PAX5: variants seen among roughly 807,000 people sequenced by gnomAD.
PAX5 encodes the protein paired box protein Pax-5.
PAX5 carries 9 observed loss-of-function variants against 43.7 expected under a neutral mutation model. The observed-to-expected ratio is 0.21, with a 90% CI of 0.12 to 0.36. PAX5 has a LOEUF of 0.36. Ranked by LOEUF, PAX5 falls within the 10% of genes least tolerant of loss-of-function variation. The pLI, the probability that PAX5 is intolerant of heterozygous loss-of-function variation, is 1.00. For synonymous variants in PAX5, 228 were observed against 214.3 expected (o/e 1.06, Z -0.56); for missense variants, 383 against 532.7 (o/e 0.72, Z 2.77).
At chr9:36,934,026 G>C (rs1052977513) in intron 6 of PAX5, among the ~76,000 whole-genome samples, 2 of 152,210 alleles carry the variant, frequency 1.3e-5, no homozygotes, top group African/African-American at 2.4e-5. Flanking sequence ...CCCTCTGTGG[G>C]CTGGTGAAGA....
intron 5 of PAX5, among the ~76,000 whole-genome samples, chr9:36,981,617 T>C (rs1835953949): frequency 6.6e-6 from 1 of 152,126 alleles, no homozygotes; most frequent in Non-Finnish European, 1.5e-5. Context: ...CAGTGGGGTC[T>C]CCCAGGCCTT....
intron 7 of PAX5, among the ~76,000 whole-genome samples, chr9:36,918,254 C>A (rs983252088): frequency 2.6e-5 from 4 of 152,160 alleles, no homozygotes; most frequent in Admixed American, 6.5e-5. Context: ...ACCAAACAGC[C>A]AAATTGTGAA....
At chr9:36,871,579 T>C (rs1416421852) in intron 8 of PAX5, among the ~76,000 whole-genome samples, 1 of 152,222 alleles carries the variant, frequency 6.6e-6, no homozygotes, top group Admixed American at 6.5e-5. Flanking sequence ...TAAAAAGCCA[T>C]CACAGCCCAG....
At chr9:36,986,082 C>G (rs914691160) in intron 5 of PAX5, among the ~76,000 whole-genome samples, 1 of 152,038 alleles carries the variant, frequency 6.6e-6, no homozygotes, top group African/African-American at 2.4e-5. Flanking sequence ...CCCGGCACCC[C>G]CGTCCGGCGC....
intron 3 of PAX5, chr9:37,007,606 G>T (rs962931169): frequency 6.6e-6 from 1 of 152,098 alleles, no homozygotes; most frequent in Non-Finnish European, 1.5e-5. Context: ...GAGAAGAGTG[G>T]GTCATAATAA....
At position 36,856,312 on chromosome 9, in the gene PAX5, A is replaced by G. The variant is rs189762901; in HGVS notation, c.1013-9383T>C. Among the ~76,000 whole-genome samples, 8 of 152,332 alleles carry G rather than the reference A, an allele frequency of 5.3e-5. No individual in the cohort carries two copies. The East Asian group carries it at 1.2e-3, about 22-fold the overall frequency. ...AACATGGAGACAGCAAGGCAGAGAAAGGGAATAAAACACACAAAGAGAAGT... is the reference window on the plus strand; with the variant it reads ...AACATGGAGACAGCAAGGCAGAGAAGGGGAATAAAACACACAAAGAGAAGT... On this transcript the variant is annotated intron_variant, in intron 8 of 9. Transcript: ENST00000358127.
chr9:36,850,720 C>G (rs533593796), intron 8 of PAX5, among the ~76,000 whole-genome samples: 33 of 152,314 alleles, frequency 2.2e-4, no homozygotes, highest in African/African-American at 7.5e-4. Context: ...CCTCAGTGGG[C>G]AGTGAGACCC....
chr9:36,938,753 G>C (rs1050380399), intron 6 of PAX5, among the ~76,000 whole-genome samples: 2 of 152,200 alleles, frequency 1.3e-5, no homozygotes, highest in African/African-American at 4.8e-5. Context: ...AGCTCACAAA[G>C]AGAAAAATCG....
chr9:36,997,180 A>G (rs1224260553), intron 5 of PAX5, among the ~76,000 whole-genome samples: 2 of 152,176 alleles, frequency 1.3e-5, no homozygotes, highest in Non-Finnish European at 2.9e-5. Flanking sequence ...TGGAAAGGAC[A>G]GGCCACCTCT....
rs1316638625 is a variant in PAX5, at chr9:36,839,363, CCCCAGCCCCAGCACCTCCATG to C, written c.*1176_*1196del. The C allele has an allele frequency of 1.3e-4, 30 of 233,498 alleles. No homozygotes were observed. In the East Asian group the frequency reaches 1.7e-3, roughly 14 times the overall value. The allele number at this position is 233,498 out of a possible 1,614,324, so 14.5% of individuals were successfully genotyped here. On this transcript the variant is annotated 3_prime_UTR_variant, in exon 10 of 10. Coordinates refer to ENST00000358127, the MANE Select transcript of PAX5 (RefSeq NM_016734.3). ...TGCATTGTGCGAAATTAGGCATCTG[CCCCAGCCCCAGCACCTCCATG>C]CCCAGCTGCCTGCTAAGCTCCACGA...
chr9:37,018,376 C>T (rs1043069739), intron 2 of PAX5, among the ~76,000 whole-genome samples: 1 of 152,010 alleles, frequency 6.6e-6, no homozygotes, highest in African/African-American at 2.4e-5. Context: ...TCTAGCCCCT[C>T]CGAAGCCTTG....
chr9:36,838,127 T>C lies in PAX5; in HGVS notation c.*2433A>G. On this transcript the variant is annotated 3_prime_UTR_variant, in exon 10 of 10. Coordinates refer to ENST00000358127, the MANE Select transcript of PAX5 (RefSeq NM_016734.3). ...GGTGGAAGCTGCAGCCAGCTCACCC[T>C]GGCTCCTGGAGGTGGACTCTGGCCC... The C allele has an allele frequency of 4.3e-6, 1 of 233,258 alleles. No homozygotes were observed. The highest frequency in any genetic ancestry group is 5.6e-5 in the Admixed American group (1 of 17,800). 14.4% of individuals were successfully genotyped at this position (233,258 alleles called of 1,614,324 possible).
intron 7 of PAX5, among the ~76,000 whole-genome samples, chr9:36,902,672 G>C (rs1477525522): frequency 6.6e-6 from 1 of 152,234 alleles, no homozygotes; most frequent in Non-Finnish European, 1.5e-5. Flanking sequence ...CATGGCCTTA[G>C]GCTGGGTTTC....
chr9:37,023,442 A>G (rs1369381912), intron 1 of PAX5, among the ~76,000 whole-genome samples: 2 of 152,196 alleles, frequency 1.3e-5, no homozygotes, highest in African/African-American at 2.4e-5. Context: ...GGGGACTGAC[A>G]CAGAGACAGA....
chr9:36,938,514 G>C (rs533033220), intron 6 of PAX5, among the ~76,000 whole-genome samples: 1 of 152,186 alleles, frequency 6.6e-6, no homozygotes, highest in African/African-American at 2.4e-5. Flanking sequence ...ACAAACAAAA[G>C]CTTTCAAGCC....
At chr9:36,889,955 A>G (rs900304567) in intron 7 of PAX5, among the ~76,000 whole-genome samples, 4 of 135,884 alleles carry the variant, frequency 2.9e-5, no homozygotes, top group Admixed American at 7.4e-5. Context: ...GGGGGGGGGA[A>G]TGTGAATCCA....
chr9:36,938,274 G>A (rs1010889913), intron 6 of PAX5, among the ~76,000 whole-genome samples: 4 of 151,996 alleles, frequency 2.6e-5, no homozygotes, highest in East Asian at 1.9e-4. Context: ...ATTATTTTTC[G>A]TGCTAATACC....
intron 7 of PAX5, among the ~76,000 whole-genome samples, chr9:36,904,836 A>G (rs1164390137): frequency 6.6e-6 from 1 of 152,202 alleles, no homozygotes; most frequent in Non-Finnish European, 1.5e-5. Flanking sequence ...TAATTCATCC[A>G]TTCATTCATT....
At chr9:36,899,768 G>A (rs956839004) in intron 7 of PAX5, among the ~76,000 whole-genome samples, 1 of 152,192 alleles carries the variant, frequency 6.6e-6, no homozygotes, top group African/African-American at 2.4e-5. Context: ...CTGAAGGACA[G>A]CCCCCACCCC....
Sources: gnomAD v4.1 joint callset for allele counts (sites outside exome capture counted in the v4.1 genomes callset) on GRCh38, gnomAD v4.1.1 for gene constraint, MANE v1.5 for transcripts, NCBI Gene and HGNC (gene_info 2026-07-23, HGNC 2026-07-21) for gene names.